Variants in MELK observed in about 807,000 individuals in gnomAD.
The protein encoded by MELK is pEg3 kinase.
A neutral mutation model predicts 85.0 loss-of-function variants in MELK; 81 were observed. The observed-to-expected ratio is 0.95, with a 90% CI of 0.80 to 1.15. The LOEUF (loss-of-function observed/expected upper bound fraction) is 1.15. Among genes scored for constraint, MELK ranks in the 50% most tolerant of loss-of-function variants. The pLI is 0.00. For synonymous variants in MELK, 252 were observed against 265.0 expected (o/e 0.95, Z 0.48); for missense variants, 754 against 777.5 (o/e 0.97, Z 0.36).
At chr9:36,656,004 C>T (rs976655800) in intron 12 of MELK, among the ~76,000 whole-genome samples, 5 of 151,808 alleles carry the variant, frequency 3.3e-5, no homozygotes, top group South Asian at 2.1e-4. Context: ...AACAATATAT[C>T]GAGGGAAAAG....
At chr9:36,620,053 G>A (rs1257385015) in intron 8 of MELK, among the ~76,000 whole-genome samples, 2 of 152,190 alleles carry the variant, frequency 1.3e-5, no homozygotes, top group Admixed American at 6.5e-5. Flanking sequence ...TACAGATGAA[G>A]AAATGAAGGG....
intron 5 of MELK, among the ~76,000 whole-genome samples, chr9:36,595,709 G>T (rs1824152342): frequency 6.7e-6 from 1 of 149,828 alleles, no homozygotes; most frequent in African/African-American, 2.5e-5. Flanking sequence ...AGGCTCAAGT[G>T]ATTTTCCCAC....
At position 36,671,095 on chromosome 9, in the gene MELK, G is replaced by A. The variant is rs752218840; in HGVS notation, c.1603G>A (p.Asp535Asn). ...KVFGSLERGL[D>N]KVITVLTRSK... ...GTTTGGGAGCCTTGAAAGGGGGTTG[G>A]ATAAGGTTATCACTGTGCTCACCAG... Residue 535 changes from aspartate (D) to asparagine (N), a missense_variant, in exon 16 of 18, where the codon GAT (aspartate) becomes AAT (asparagine). Coordinates refer to ENST00000298048, the MANE Select transcript of MELK (RefSeq NM_014791.4). 3.1e-6 allele frequency: 5 copies of A among 1,613,198 alleles called. No individual in the cohort carries two copies. The highest frequency in any genetic ancestry group is 1.6e-4 in the Middle Eastern group (1 of 6,082).
chr9:36,582,464 G>A (rs1432072757), intron 2 of MELK, among the ~76,000 whole-genome samples: 1 of 152,108 alleles, frequency 6.6e-6, no homozygotes, highest in Non-Finnish European at 1.5e-5. Context: ...TAGAGATGAT[G>A]GTGGTGTGGA....
intron 8 of MELK, among the ~76,000 whole-genome samples, chr9:36,628,698 G>C (rs1468017055): frequency 6.6e-6 from 1 of 152,014 alleles, no homozygotes; most frequent in Admixed American, 6.6e-5. Context: ...GATTACAGGC[G>C]TGAGCCACCA....
At chr9:36,656,048 C>T (rs1324456500) in intron 12 of MELK, among the ~76,000 whole-genome samples, 3 of 152,084 alleles carry the variant, frequency 2.0e-5, no homozygotes, top group African/African-American at 7.2e-5. Context: ...CAAGTACACC[C>T]ACAGTCTTGA....
intron 8 of MELK, among the ~76,000 whole-genome samples, chr9:36,611,752 CTATTATTAT>C (rs761980953): frequency 0.018 from 2,630 of 145,402 alleles, 53 homozygotes; most frequent in African/African-American, 0.052. Flanking sequence ...ATAAATGTAG[CTATTATTAT>C]TATTATTATT....
intron 4 of MELK, among the ~76,000 whole-genome samples, chr9:36,591,537 G>A (rs1441634701): frequency 6.6e-6 from 1 of 152,140 alleles, no homozygotes; most frequent in African/African-American, 2.4e-5. Context: ...TCATGCCACT[G>A]CACTCCAGCC....
At chr9:36,622,656 T>TTGAG (rs1228040676) in intron 8 of MELK, among the ~76,000 whole-genome samples, 2 of 152,168 alleles carry the variant, frequency 1.3e-5, no homozygotes, top group African/African-American at 4.8e-5. Flanking sequence ...CAATTGAAAA[T>TTGAG]TGAGTAGTTT....
At chr9:36,673,450 G>A (rs1833069962) in intron 16 of MELK, among the ~76,000 whole-genome samples, 1 of 151,886 alleles carries the variant, frequency 6.6e-6, no homozygotes, top group Non-Finnish European at 1.5e-5. Flanking sequence ...ATTTTTTGAG[G>A]CAGAGTCTTG....
rs570138350 is a variant in MELK, at chr9:36,593,513, G to A, written c.262-1115G>A. Among the ~76,000 whole-genome samples, 5 of 152,166 alleles carry A rather than the reference G, an allele frequency of 3.3e-5. No individual in the cohort carries two copies. The East Asian group carries it at 7.7e-4, about 23-fold the overall frequency. ...GTGGCACCTTGATGTTAGACTTCCCGGCCTCCAGAAATGTGAGCAATACAT... is the reference window on the plus strand; with the variant it reads ...GTGGCACCTTGATGTTAGACTTCCCAGCCTCCAGAAATGTGAGCAATACAT... On this transcript the variant is annotated intron_variant, in intron 4 of 17. Transcript: ENST00000298048.
At chr9:36,598,230 A>G (rs540369958) in intron 6 of MELK, among the ~76,000 whole-genome samples, 4 of 151,690 alleles carry the variant, frequency 2.6e-5, no homozygotes, top group East Asian at 3.9e-4. Context: ...AAGAAAAAAC[A>G]TACTTTGAAC....
At chr9:36,595,605 GT>G (rs60428796) in intron 5 of MELK, among the ~76,000 whole-genome samples, 87,841 of 122,530 alleles carry the variant, frequency 0.72, 32,275 homozygotes, top group Non-Finnish European at 0.81. Context: ...TAAATGTCTT[GT>G]TTTTTTTTTT....
intron 11 of MELK, among the ~76,000 whole-genome samples, chr9:36,643,912 C>G (rs569130554): frequency 7.1e-6 from 1 of 140,004 alleles, no homozygotes; most frequent in South Asian, 2.2e-4. Flanking sequence ...CCAGCCTGGG[C>G]GACAGAGTGA....
chr9:36,634,074 G>A (rs1463912199), intron 10 of MELK, among the ~76,000 whole-genome samples: 2 of 152,272 alleles, frequency 1.3e-5, no homozygotes, highest in East Asian at 3.9e-4. Context: ...TGATGCATTG[G>A]TTATTTGGAA....
At chr9:36,605,906 T>C (rs1281730868) in intron 7 of MELK, among the ~76,000 whole-genome samples, 2 of 151,258 alleles carry the variant, frequency 1.3e-5, no homozygotes, top group East Asian at 1.9e-4. Flanking sequence ...TGAGCTGAGA[T>C]TGTGCCACTG....
chr9:36,655,453 G>GGAGA (rs66684364), intron 12 of MELK, among the ~76,000 whole-genome samples: 34 of 147,798 alleles, frequency 2.3e-4, no homozygotes, highest in South Asian at 1.5e-3. Context: ...TCAAGTAGGG[G>GGAGA]GAGAGAGAGA....
intron 13 of MELK, among the ~76,000 whole-genome samples, chr9:36,657,831 C>G (rs1831406168): frequency 1.3e-5 from 2 of 152,188 alleles, no homozygotes; most frequent in Admixed American, 6.5e-5. Context: ...GATCCACCCA[C>G]CTCAGCCTTC....
chr9:36,652,729 CAAAAAA>C (rs745699767), intron 12 of MELK, among the ~76,000 whole-genome samples: 1 of 95,060 alleles, frequency 1.1e-5, no homozygotes. Context: ...GACTCTGTCT[CAAAAAA>C]AAAAAAAAAA....
Sources: gnomAD v4.1 joint callset for allele counts (sites outside exome capture counted in the v4.1 genomes callset) on GRCh38, gnomAD v4.1.1 for gene constraint, MANE v1.5 for transcripts, NCBI Gene and HGNC (gene_info 2026-07-23, HGNC 2026-07-21) for gene names.